IMMP2L: variants seen among roughly 807,000 people sequenced by gnomAD.
The protein encoded by IMMP2L is mitochondrial inner membrane protease subunit 2.
A neutral mutation model predicts 19.3 loss-of-function variants in IMMP2L; 18 were observed. The ratio of observed to expected loss-of-function variants is 0.93; its 90% CI spans 0.64 to 1.38. The LOEUF (loss-of-function observed/expected upper bound fraction) is 1.38. IMMP2L is among the 40% of genes most tolerant of loss of function. IMMP2L has a pLI of 0.00. For missense variants in IMMP2L, 233 were observed against 218.2 expected, an observed-to-expected ratio of 1.07 and a Z score of -0.43; for synonymous variants, 76 against 73.0, an observed-to-expected ratio of 1.04 and a Z score of -0.21.
At chr7:110,821,342 A>G (rs1803009864) in intron 5 of IMMP2L, among the ~76,000 whole-genome samples, 1 of 152,126 alleles carries the variant, frequency 6.6e-6, no homozygotes, top group South Asian at 2.1e-4. Flanking sequence ...GTAACTATAA[A>G]CAGAGTCTTT....
chr7:111,413,927 A>G lies in IMMP2L; in HGVS notation c.239+73311T>C, dbSNP rs537966187. ...TCTTATGGCAATCAGCATCACAAAGATACCCAGTGATACTCACATCCCAGC... is the reference window on the plus strand; with the variant it reads ...TCTTATGGCAATCAGCATCACAAAGGTACCCAGTGATACTCACATCCCAGC... On this transcript the variant is annotated intron_variant, in intron 3 of 5. Transcript: ENST00000405709. Among the ~76,000 whole-genome samples, 5 of 151,866 alleles carry G rather than the reference A, an allele frequency of 3.3e-5. No individual in the cohort carries two copies. In the South Asian group the frequency reaches 1.0e-3, roughly 31 times the overall value.
chr7:111,438,646 GTTA>G (rs943955079), intron 3 of IMMP2L, among the ~76,000 whole-genome samples: 31 of 151,930 alleles, frequency 2.0e-4, no homozygotes, highest in Non-Finnish European at 3.7e-4. Context: ...TCTCTTCTAG[GTTA>G]TTGTTTACAA....
At chr7:111,281,154 G>GAA (rs1247066998) in intron 3 of IMMP2L, among the ~76,000 whole-genome samples, 1 of 38,746 alleles carries the variant, frequency 2.6e-5, no homozygotes, top group African/African-American at 1.2e-4. Flanking sequence ...AAGACAGAAA[G>GAA]ACAGAAAGAA....
At chr7:111,480,597 CAAAAAA>C (rs925037556) in intron 3 of IMMP2L, among the ~76,000 whole-genome samples, 2 of 55,058 alleles carry the variant, frequency 3.6e-5, no homozygotes, top group African/African-American at 9.9e-5. Context: ...ATTTTACTGT[CAAAAAA>C]AAAAAAAAAA....
At chr7:111,268,327 G>A (rs1488212998) in intron 3 of IMMP2L, among the ~76,000 whole-genome samples, 2 of 151,864 alleles carry the variant, frequency 1.3e-5, no homozygotes, top group Non-Finnish European at 2.9e-5. Flanking sequence ...GGATAGCAGA[G>A]ATAGAAAAGG....
At chr7:111,076,934 T>A (rs866593810) in intron 3 of IMMP2L, among the ~76,000 whole-genome samples, 2 of 152,238 alleles carry the variant, frequency 1.3e-5, no homozygotes, top group African/African-American at 4.8e-5. Flanking sequence ...TTATTTTTCT[T>A]CTTTCTGACT....
At chr7:111,264,439 A>C (rs1001400542) in intron 3 of IMMP2L, among the ~76,000 whole-genome samples, 2 of 152,148 alleles carry the variant, frequency 1.3e-5, no homozygotes, top group African/African-American at 4.8e-5. Flanking sequence ...GTTTTATTTT[A>C]TACATACCCT....
chr7:111,520,116 T>C (rs1846203207), intron 2 of IMMP2L, among the ~76,000 whole-genome samples: 2 of 152,168 alleles, frequency 1.3e-5, no homozygotes, highest in Non-Finnish European at 2.9e-5. Flanking sequence ...AAATACATTC[T>C]ATCTTAAACA....
At chr7:110,681,407 C>A (rs1261561904) in intron 5 of IMMP2L, among the ~76,000 whole-genome samples, 1 of 152,040 alleles carries the variant, frequency 6.6e-6, no homozygotes, top group East Asian at 1.9e-4. Flanking sequence ...CAGAAAAAAA[C>A]AAACATTGCA....
At chr7:111,065,918 G>A (rs4730475) in intron 3 of IMMP2L, among the ~76,000 whole-genome samples, 115,908 of 151,216 alleles carry the variant, frequency 0.77, 47,380 homozygotes, top group Non-Finnish European at 0.9. Context: ...GTGTGTGCGC[G>A]CGCGTGTATG....
intron 3 of IMMP2L, among the ~76,000 whole-genome samples, chr7:111,300,364 T>C (rs759893073): frequency 1.1e-4 from 17 of 152,144 alleles, no homozygotes; most frequent in Non-Finnish European, 2.4e-4. Flanking sequence ...GCCAAAATAA[T>C]GAGTAAAGGG....
intron 3 of IMMP2L, among the ~76,000 whole-genome samples, chr7:111,310,681 C>A (rs1823417676): frequency 6.6e-6 from 1 of 152,056 alleles, no homozygotes; most frequent in Non-Finnish European, 1.5e-5. Flanking sequence ...TATGACAGAG[C>A]AGATTTTACA....
chr7:111,446,806 T>G (rs1158163872), intron 3 of IMMP2L, among the ~76,000 whole-genome samples: 1 of 151,804 alleles, frequency 6.6e-6, no homozygotes, highest in Non-Finnish European at 1.5e-5. Flanking sequence ...TTGAAAACTT[T>G]GAAAAAAATT....
intron 1 of IMMP2L, among the ~76,000 whole-genome samples, chr7:111,529,815 T>C (rs1442687969): frequency 1.3e-5 from 2 of 152,186 alleles, no homozygotes; most frequent in African/African-American, 4.8e-5. Flanking sequence ...AAAACTGATG[T>C]ATTCAATCTT....
intron 5 of IMMP2L, among the ~76,000 whole-genome samples, chr7:110,698,349 T>C (rs960189018): frequency 2.0e-4 from 31 of 152,248 alleles, no homozygotes; most frequent in Admixed American, 3.3e-4. Flanking sequence ...ACCTTAATGT[T>C]ATCTCAGTAT....
rs958421483 is a variant in IMMP2L, at chr7:110,956,927, T to A, written c.305+6573A>T. Among the ~76,000 whole-genome samples the A allele has an allele frequency of 2.0e-5, 3 of 152,024 alleles. No homozygotes were observed. In the East Asian group the frequency reaches 5.8e-4, roughly 29 times the overall value. ...AGTGCTTTGCATTCATTTTATGGTT[T>A]TCTAAAACAATGCTTCTATTTGAGT... On this transcript the variant is annotated intron_variant, in intron 4 of 5. Coordinates refer to ENST00000405709, the MANE Select transcript of IMMP2L (RefSeq NM_032549.4).
Position 111,105,900 on chromosome 7 carries a change from A to G in IMMP2L, c.240-142335T>C, listed in dbSNP as rs544380777. Among the ~76,000 whole-genome samples, 47 of 152,000 alleles carry G rather than the reference A, an allele frequency of 3.1e-4. No individual in the cohort carries two copies. In the South Asian group the frequency reaches 6.4e-3, roughly 21 times the overall value. On this transcript the variant is annotated intron_variant, in intron 3 of 5. Transcript: ENST00000405709. ...TCTTTTAGCCAGTTTAACTCCACTG[A>G]TGTATGTATCAAATCTACGCATGAC...
chr7:111,243,667 T>A (rs1815482530), intron 3 of IMMP2L, among the ~76,000 whole-genome samples: 1 of 102,612 alleles, frequency 9.7e-6, no homozygotes, highest in Non-Finnish European at 1.9e-5. Context: ...CCCTCCCCCC[T>A]CCCCCGACCC....
At chr7:111,485,192 A>G (rs982444770) in intron 3 of IMMP2L, among the ~76,000 whole-genome samples, 5 of 152,208 alleles carry the variant, frequency 3.3e-5, no homozygotes, top group Non-Finnish European at 7.4e-5. Context: ...TGTTAAATAT[A>G]TAATACTAGT....
Sources: allele counts gnomAD v4.1 joint callset (sites outside exome capture counted in the v4.1 genomes callset), GRCh38; gene constraint gnomAD v4.1.1; transcripts MANE v1.5; gene names NCBI Gene and HGNC (gene_info 2026-07-23, HGNC 2026-07-21).